Variants in RSU1 observed in about 807,000 individuals in gnomAD.
RSU1 encodes the protein Ras suppressor protein 1.
RSU1 carries 26 observed loss-of-function variants against 31.1 expected under a neutral mutation model. The observed-to-expected ratio is 0.84, with a 90% CI of 0.61 to 1.16. The LOEUF (loss-of-function observed/expected upper bound fraction) is 1.16. Ranked by LOEUF, RSU1 falls within the 50% of genes most tolerant of loss-of-function variation. The pLI is 0.00. For missense variants in RSU1, 320 were observed against 339.1 expected (o/e 0.94, Z 0.44); for synonymous variants, 164 against 136.3 (o/e 1.20, Z -1.41).
At chr10:16,645,735 A>T (rs1186040469) in intron 8 of RSU1, among the ~76,000 whole-genome samples, 1 of 151,026 alleles carries the variant, frequency 6.6e-6, no homozygotes, top group Non-Finnish European at 1.5e-5. Flanking sequence ...TGAACTCGGG[A>T]GGCGGAGGTT....
intron 8 of RSU1, among the ~76,000 whole-genome samples, chr10:16,594,564 C>T (rs1004698931): frequency 6.7e-6 from 1 of 148,358 alleles, no homozygotes; most frequent in Non-Finnish European, 1.5e-5. Flanking sequence ...ATATATGCCA[C>T]CATGCCTAGC....
chr10:16,741,138 A>C (rs1836742171), intron 7 of RSU1, among the ~76,000 whole-genome samples: 1 of 152,236 alleles, frequency 6.6e-6, no homozygotes, highest in African/African-American at 2.4e-5. Context: ...ATAGCATTGA[A>C]AGTACAAAAA....
intron 5 of RSU1, among the ~76,000 whole-genome samples, chr10:16,754,377 G>GTC (rs1159650056): frequency 1.3e-5 from 2 of 152,098 alleles, no homozygotes; most frequent in Non-Finnish European, 2.9e-5. Context: ...CCTGTGTACT[G>GTC]GATAAATAGG....
intron 7 of RSU1, among the ~76,000 whole-genome samples, chr10:16,751,370 A>C (rs1258925102): frequency 1.3e-5 from 2 of 152,190 alleles, no homozygotes; most frequent in African/African-American, 4.8e-5. Context: ...GCTAAGGGAA[A>C]TGGCAAGAGA....
rs1046584018 is a variant in RSU1, at chr10:16,760,457, C to T, written c.281+3933G>A. Among the ~76,000 whole-genome samples, 140 of 149,012 alleles carry T rather than the reference C, an allele frequency of 9.4e-4. 1 individual carries two copies. Among genetic ancestry groups the T allele is most frequent in the African/African-American group, 3.3e-3 (133 of 40,416 alleles). On this transcript the variant is annotated intron_variant, in intron 4 of 8. Transcript: ENST00000345264. ...CCAGGAGGTGGAGGTTGCAGTGAGC[C>T]GAGATCATGCCATTGCACTGGAGCC...
At chr10:16,710,861 G>C (rs573412313) in intron 7 of RSU1, among the ~76,000 whole-genome samples, 4 of 152,000 alleles carry the variant, frequency 2.6e-5, no homozygotes, top group African/African-American at 9.6e-5. Flanking sequence ...GCTCCCCTCC[G>C]TGTGTCCATG....
intron 7 of RSU1, among the ~76,000 whole-genome samples, chr10:16,699,507 C>T (rs1198468339): frequency 6.6e-6 from 1 of 152,218 alleles, no homozygotes; most frequent in African/African-American, 2.4e-5. Flanking sequence ...TAAGTAATAA[C>T]ATGCAGGAAG....
At chr10:16,759,686 T>C (rs991449537) in intron 4 of RSU1, among the ~76,000 whole-genome samples, 1 of 152,208 alleles carries the variant, frequency 6.6e-6, no homozygotes, top group Non-Finnish European at 1.5e-5. Flanking sequence ...ACATGGATAA[T>C]TGTTGAAGCC....
At chr10:16,764,720 G>A (rs2131631616) in intron 3 of RSU1, among the ~76,000 whole-genome samples, 1 of 152,216 alleles carries the variant, frequency 6.6e-6, no homozygotes, top group Admixed American at 6.5e-5. Flanking sequence ...CTTCATATAT[G>A]GTTAGCTAAG....
chr10:16,646,013 CATATATGTGTATATATATGTGTATAT>C (rs1437982602), intron 8 of RSU1, among the ~76,000 whole-genome samples: 1 of 87,590 alleles, frequency 1.1e-5, no homozygotes, highest in Admixed American at 1.3e-4. Context: ...TGTGTATATA[CATATATGTGTATATATATGTGTATAT>C]ACATATATGT....
intron 8 of RSU1, among the ~76,000 whole-genome samples, chr10:16,686,113 C>A (rs1044928981): frequency 1.3e-5 from 2 of 151,900 alleles, no homozygotes; most frequent in African/African-American, 4.8e-5. Flanking sequence ...CCTTAAATGC[C>A]CAAAATTAAA....
At chr10:16,752,497 T>C (rs746276385) in intron 7 of RSU1, 42 bp downstream of exon 7, 1 of 1,434,678 alleles carries the variant, frequency 7.0e-7, no homozygotes, top group Non-Finnish European at 9.8e-7. Context: ...ATAATTGTTA[T>C]TCATGAAACC....
At chr10:16,712,284 G>A (rs1836036936) in intron 7 of RSU1, among the ~76,000 whole-genome samples, 1 of 152,004 alleles carries the variant, frequency 6.6e-6, no homozygotes, top group Admixed American at 6.6e-5. Flanking sequence ...AAACCTGTTC[G>A]ACCACTCTGT....
Position 16,593,422 on chromosome 10 carries a change from C to T in RSU1, c.806G>A (p.Arg269Gln), listed in dbSNP as rs148784401. The change falls in exon 9 of 9, where the codon CGG becomes CAG. Residue 269 changes from arginine to glutamine, a missense_variant. Arg to Gln is a conservative substitution (Grantham distance 43). Transcript: ENST00000345264. ...KNNDKSKKISRKPLAAKNR is the reference protein window; with the variant it reads ...KNNDKSKKISQKPLAAKNR Reference sequence around the variant, plus strand: ...TCTGTTCTTGGCTGCCAGGGGTTTCCGGCTGATCTTTTTCGATTTGTCATT... The same window carrying T: ...TCTGTTCTTGGCTGCCAGGGGTTTCTGGCTGATCTTTTTCGATTTGTCATT... 1.5e-4 allele frequency: 240 copies of T among 1,614,000 alleles called. No homozygotes were observed. The highest frequency in any genetic ancestry group is 3.5e-4 in the African/African-American group (26 of 74,982).
chr10:16,642,907 C>G (rs1317944185), intron 8 of RSU1, among the ~76,000 whole-genome samples: 1 of 152,032 alleles, frequency 6.6e-6, no homozygotes, highest in Non-Finnish European at 1.5e-5. Context: ...CTTTAAATAA[C>G]AAGTCAAAAC....
chr10:16,794,791 A>C (rs560707131), intron 2 of RSU1, among the ~76,000 whole-genome samples: 5 of 152,328 alleles, frequency 3.3e-5, no homozygotes, highest in African/African-American at 4.8e-5. Context: ...AACCATAATA[A>C]AAATAATATA....
At chr10:16,783,181 G>C (rs1448106304) in intron 2 of RSU1, among the ~76,000 whole-genome samples, 1 of 151,944 alleles carries the variant, frequency 6.6e-6, no homozygotes, top group Non-Finnish European at 1.5e-5. Context: ...AAAGTGCTGG[G>C]ATTACAGGCA....
intron 8 of RSU1, among the ~76,000 whole-genome samples, chr10:16,625,981 A>G (rs1834152652): frequency 6.6e-6 from 1 of 152,242 alleles, no homozygotes; most frequent in African/African-American, 2.4e-5. Flanking sequence ...ACACTGGGGC[A>G]TGGTATTACA....
intron 8 of RSU1, among the ~76,000 whole-genome samples, chr10:16,649,981 A>G (rs944722395): frequency 1.3e-5 from 2 of 152,226 alleles, no homozygotes; most frequent in Non-Finnish European, 2.9e-5. Flanking sequence ...CTCCTTCCCA[A>G]GGAACTTTTA....
Sources: allele counts gnomAD v4.1 joint callset (sites outside exome capture counted in the v4.1 genomes callset), GRCh38; gene constraint gnomAD v4.1.1; transcripts MANE v1.5; gene names NCBI Gene and HGNC (gene_info 2026-07-23, HGNC 2026-07-21).